CSMD2: variants seen among roughly 807,000 people sequenced by gnomAD.
The protein encoded by CSMD2 is CUB and Sushi multiple domains 2.
Under a neutral mutation model 398.5 loss-of-function variants are expected in CSMD2, and 130 were observed. The observed-to-expected ratio is 0.33, with a 90% CI of 0.28 to 0.38. The LOEUF (loss-of-function observed/expected upper bound fraction) is 0.38. CSMD2 is among the 10% of genes least tolerant of loss of function. The pLI, the probability that CSMD2 is intolerant of heterozygous loss-of-function variation, is 1.00. For synonymous variants in CSMD2, 1,828 were observed against 1,908.5 expected (o/e 0.96, Z 1.10); for missense variants, 3,829 against 4,764.9 (o/e 0.80, Z 5.78).
At chr1:34,045,902 G>T (rs572637917) in intron 2 of CSMD2, among the ~76,000 whole-genome samples, 1 of 152,328 alleles carries the variant, frequency 6.6e-6, no homozygotes, top group Admixed American at 6.5e-5. Flanking sequence ...GATGTTAGTA[G>T]GTTTGCCTGA....
At chr1:34,085,077 G>T (rs1657701581) in intron 2 of CSMD2, among the ~76,000 whole-genome samples, 1 of 152,178 alleles carries the variant, frequency 6.6e-6, no homozygotes, top group Non-Finnish European at 1.5e-5. Flanking sequence ...CATGTCCTTT[G>T]TAGGGACATG....
At chr1:33,564,303 T>C (rs900619054) in intron 53 of CSMD2, among the ~76,000 whole-genome samples, 1 of 152,216 alleles carries the variant, frequency 6.6e-6, no homozygotes, top group Non-Finnish European at 1.5e-5. Context: ...AGAGCTGAGA[T>C]GTAAACCCAG....
intron 1 of CSMD2, among the ~76,000 whole-genome samples, chr1:34,139,786 A>G (rs901739706): frequency 2.6e-5 from 4 of 152,206 alleles, no homozygotes; most frequent in Admixed American, 2.6e-4. Context: ...CAGCGGCTGG[A>G]GCACTGAGTA....
At chr1:33,605,967 A>G in intron 41 of CSMD2, 3 of 1,613,686 alleles carry the variant, frequency 1.9e-6, no homozygotes, top group African/African-American at 1.3e-5. Context: ...GAAGGAAGAA[A>G]TCTGGTGGGA....
chr1:34,138,108 G>T lies in CSMD2; in HGVS notation c.187+26803C>A, dbSNP rs186147804. On this transcript the variant is annotated intron_variant, in intron 1 of 70. Coordinates refer to ENST00000373381, the MANE Select transcript of CSMD2 (RefSeq NM_001281956.2). Reference sequence around the variant, plus strand: ...CATAAGTTGTAGTATTTACTAAGTGGTAAGTCTATGTCAGGTGCTGGCTAA... The same window carrying T: ...CATAAGTTGTAGTATTTACTAAGTGTTAAGTCTATGTCAGGTGCTGGCTAA... Among the ~76,000 whole-genome samples the T allele has an allele frequency of 7.9e-5, 12 of 152,314 alleles. No individual in the cohort carries two copies. The East Asian group carries it at 2.1e-3, about 27-fold the overall frequency.
chr1:33,704,872 C>A (rs1035433353), intron 22 of CSMD2, among the ~76,000 whole-genome samples: 1 of 152,196 alleles, frequency 6.6e-6, no homozygotes, highest in South Asian at 2.1e-4. Context: ...ACGCCATTCT[C>A]CTGCCCTAGC....
chr1:33,871,928 C>T (rs1267038323), intron 5 of CSMD2, among the ~76,000 whole-genome samples: 2 of 152,206 alleles, frequency 1.3e-5, no homozygotes, highest in Non-Finnish European at 2.9e-5. Context: ...TATAAAGCCA[C>T]CAGTCCCACT....
chr1:33,983,738 T>G (rs1646251458), intron 3 of CSMD2, among the ~76,000 whole-genome samples: 1 of 152,114 alleles, frequency 6.6e-6, no homozygotes, highest in Non-Finnish European at 1.5e-5. Context: ...AAAGACGTTT[T>G]GAGGAAGCTT....
rs1053848240 is a variant in CSMD2, at chr1:33,772,777, A to G, written c.1664-26T>C. Reference sequence around the variant, plus strand: ...CTGAAAGACAGGAAGATGAGAAAACAGAGACAAAAGGTGACTTTATACCTC... The same window carrying G: ...CTGAAAGACAGGAAGATGAGAAAACGGAGACAAAAGGTGACTTTATACCTC... On this transcript the variant is annotated intron_variant, in intron 12 of 70. Transcript: ENST00000373381. The G allele has an allele frequency of 3.1e-6, 5 of 1,596,998 alleles. No homozygotes were observed. The African/African-American group carries it at 6.7e-5, about 21-fold the overall frequency.
intron 15 of CSMD2, among the ~76,000 whole-genome samples, chr1:33,731,245 T>C (rs1646707912): frequency 6.6e-6 from 1 of 152,208 alleles, no homozygotes; most frequent in Non-Finnish European, 1.5e-5. Flanking sequence ...ACAAACTGTA[T>C]CTCGGAGTAA....
intron 3 of CSMD2, among the ~76,000 whole-genome samples, chr1:33,974,431 G>A (rs1385017171): frequency 6.6e-6 from 1 of 152,242 alleles, no homozygotes; most frequent in Non-Finnish European, 1.5e-5. Context: ...ACACAGACAT[G>A]AGCCAGTCAG....
At chr1:33,837,136 G>C (rs895235956) in intron 6 of CSMD2, among the ~76,000 whole-genome samples, 1 of 152,064 alleles carries the variant, frequency 6.6e-6, no homozygotes, top group African/African-American at 2.4e-5. Context: ...TGCTCAGGTG[G>C]GTGGGGTGAT....
intron 3 of CSMD2, among the ~76,000 whole-genome samples, chr1:33,948,759 G>A (rs1644915359): frequency 6.6e-6 from 1 of 152,198 alleles, no homozygotes; most frequent in African/African-American, 2.4e-5. Flanking sequence ...CCTGACACTT[G>A]TGTTTAAGCT....
intron 44 of CSMD2, among the ~76,000 whole-genome samples, chr1:33,596,205 T>C (rs931899715): frequency 6.6e-6 from 1 of 152,166 alleles, no homozygotes; most frequent in Non-Finnish European, 1.5e-5. Context: ...ACTTGGGCTC[T>C]GACTTCCTTT....
chr1:33,724,663 G>A lies in CSMD2; in HGVS notation c.2737C>T (p.Pro913Ser). Residue 913 changes from proline (P) to serine (S), a missense_variant, in exon 18 of 71, where the codon CCA becomes TCA. This residue lies in a region of CSMD2 where 2,001 missense variants were observed against 2,567.1 expected (regional missense o/e 0.78). Transcript: ENST00000373381. ...TTCCCATGACGCTGTCCATTTACTG[G>A]GATTCCTGGATCCAGACAGTGGTCT... ...QSDHCLDPGIPVNGQRHGNDF... is the reference protein window; with the variant it reads ...QSDHCLDPGISVNGQRHGNDF... 1.2e-6 allele frequency: 2 copies of A among 1,614,166 alleles called. No homozygotes were observed. Among genetic ancestry groups the A allele is most frequent in the Non-Finnish European group, 1.7e-6 (2 of 1,180,026 alleles).
rs761564983 is a variant in CSMD2 at position 33,533,954 on chromosome 1, C to G, written c.9880-47G>C. 3 of 1,198,010 alleles carry G rather than the reference C, an allele frequency of 2.5e-6. No homozygotes were observed. Among genetic ancestry groups the G allele is most frequent in the Non-Finnish European group, 2.5e-6 (2 of 807,910 alleles). 74.2% of individuals were successfully genotyped at this position (1,198,010 alleles called of 1,614,324 possible). ...CATCAGCCCCTTCCTTTCAGCGGTGCTTCCTACGTCTGTCCCTTGACCACT... is the reference window on the plus strand; with the variant it reads ...CATCAGCCCCTTCCTTTCAGCGGTGGTTCCTACGTCTGTCCCTTGACCACT... On this transcript the variant is annotated intron_variant, in intron 62 of 70. Coordinates refer to ENST00000373381, the MANE Select transcript of CSMD2 (RefSeq NM_001281956.2). The surrounding 1 kb of genome is among the most constrained non-coding windows in gnomAD (Gnocchi z 4.2).
intron 55 of CSMD2, 103 bp downstream of exon 55, chr1:33,557,631 C>T (rs1658141988): frequency 2.2e-6 from 2 of 921,118 alleles, no homozygotes; most frequent in Admixed American, 2.2e-5. Flanking sequence ...CACACACACA[C>T]ACACACACAC....
intron 15 of CSMD2, among the ~76,000 whole-genome samples, chr1:33,732,569 C>A (rs1646755343): frequency 6.6e-6 from 1 of 152,194 alleles, no homozygotes; most frequent in Non-Finnish European, 1.5e-5. Context: ...CAGGAGAAAC[C>A]AGCCCTGCCA....
chr1:33,554,352 C>T (rs568275677), intron 55 of CSMD2, among the ~76,000 whole-genome samples: 1 of 152,044 alleles, frequency 6.6e-6, no homozygotes, highest in Admixed American at 6.6e-5. Flanking sequence ...CACCACCACG[C>T]CTGGCTAATT....
Sources: gnomAD v4.1 joint callset for allele counts (sites outside exome capture counted in the v4.1 genomes callset) on GRCh38, gnomAD v4.1.1 for gene constraint, gnomAD v4.1.1 regional missense constraint, Gnocchi (gnomAD v3.1) non-coding constraint, MANE v1.5 for transcripts, NCBI Gene and HGNC (gene_info 2026-07-23, HGNC 2026-07-21) for gene names.